Variants in NAV1 observed in about 807,000 individuals in gnomAD.
NAV1 encodes the protein pore membrane and/or filament interacting like protein 3.
A neutral mutation model predicts 175.2 loss-of-function variants in NAV1; 18 were observed. The ratio of observed to expected loss-of-function variants is 0.10; its 90% confidence interval spans 0.07 to 0.15. NAV1 has a LOEUF of 0.15. Among genes scored for constraint, NAV1 ranks in the 10% least tolerant of loss-of-function variants. The pLI is 1.00. For missense variants in NAV1, 1,731 were observed against 2,436.6 expected, an observed-to-expected ratio of 0.71 and a Z score of 6.10; for synonymous variants, 897 against 978.7, an observed-to-expected ratio of 0.92 and a Z score of 1.56.
chr1:201,549,115 CTT>C (rs1665761817), intron 1 of NAV1, among the ~76,000 whole-genome samples: 2 of 149,754 alleles, frequency 1.3e-5, no homozygotes, highest in African/African-American at 4.9e-5. Context: ...TTCTTTCTTT[CTT>C]TCTTTCTTTC....
intron 1 of NAV1, among the ~76,000 whole-genome samples, chr1:201,625,485 C>T (rs1175819818): frequency 1.3e-5 from 2 of 152,186 alleles, no homozygotes; most frequent in East Asian, 1.9e-4. Context: ...CAGGGTGACC[C>T]CTGGCTCTCA....
chr1:201,596,034 C>T (rs921119035), intron 2 of NAV1, among the ~76,000 whole-genome samples: 2 of 152,238 alleles, frequency 1.3e-5, no homozygotes, highest in South Asian at 4.1e-4. Context: ...TCTTAGCGAC[C>T]CCACGTCTTG....
intron 3 of NAV1, among the ~76,000 whole-genome samples, chr1:201,721,787 C>A (rs952567637): frequency 2.6e-5 from 4 of 152,174 alleles, no homozygotes; most frequent in African/African-American, 9.7e-5. Context: ...GTGACATAAT[C>A]GGCTCCAAGC....
intron 1 of NAV1, among the ~76,000 whole-genome samples, chr1:201,549,221 T>C (rs1335448162): frequency 6.6e-6 from 1 of 151,596 alleles, no homozygotes; most frequent in African/African-American, 2.4e-5. Context: ...TCCTTCTTTC[T>C]TTTTTTGACA....
intron 3 of NAV1, among the ~76,000 whole-genome samples, chr1:201,765,832 A>AT (rs1448004298): frequency 1.3e-5 from 2 of 152,090 alleles, no homozygotes; most frequent in African/African-American, 2.4e-5. Flanking sequence ...ATTTTTTCTG[A>AT]TTTTTTAATA....
upstream of NAV1, among the ~76,000 whole-genome samples, chr1:201,644,851 G>T (rs1364879209): frequency 6.6e-6 from 1 of 152,138 alleles, no homozygotes; most frequent in African/African-American, 2.4e-5. Context: ...AGGTACAGAG[G>T]AACAAAGAGG....
At chr1:201,803,856 C>T (rs191402301) in intron 16 of NAV1, 142 bp downstream of exon 20, 3 of 1,108,678 alleles carry the variant, frequency 2.7e-6, no homozygotes, top group East Asian at 2.7e-5. Flanking sequence ...CCGCTCAGAG[C>T]ATGGTCTCCC....
At chr1:201,637,948 G>T (rs1668653654) in intron 2 of NAV1, among the ~76,000 whole-genome samples, 1 of 152,182 alleles carries the variant, frequency 6.6e-6, no homozygotes, top group Admixed American at 6.5e-5. Context: ...AGCACATGTG[G>T]GAAACATCTG....
At chr1:201,649,192 C>T (rs1380154698) in exon 1 of NAV1, 3 of 1,612,726 alleles carry the variant, frequency 1.9e-6, no homozygotes, top group Non-Finnish European at 2.5e-6. Context: ...AGCCGGATCC[C>T]TCGAGGACCC....
At chr1:201,703,386 G>C (rs1178851969) in intron 1 of NAV1, among the ~76,000 whole-genome samples, 3 of 152,172 alleles carry the variant, frequency 2.0e-5, no homozygotes, top group South Asian at 2.1e-4. Flanking sequence ...GAATATGTTC[G>C]AGAGTCTGCT....
At chr1:201,607,717 C>G (rs1241207115) in intron 2 of NAV1, among the ~76,000 whole-genome samples, 4 of 151,960 alleles carry the variant, frequency 2.6e-5, no homozygotes, top group Admixed American at 2.0e-4. Flanking sequence ...GTCTCGAACT[C>G]CTGACTTCAA....
At position 201,790,579 on chromosome 1, in the gene NAV1, T is replaced by G; in HGVS notation, c.3243+2T>G. Reference sequence around the variant, plus strand: ...GCTGAGGAGAGGATGCAATCTGAGGTAGGGTGGAAAGCCTTTGTCTCTGCT... The same window carrying G: ...GCTGAGGAGAGGATGCAATCTGAGGGAGGGTGGAAAGCCTTTGTCTCTGCT... On this transcript the variant is annotated splice_donor_variant, in intron 12 of 29. Transcript: ENST00000367296. LOFTEE classifies it high-confidence loss of function. 1 of 1,614,106 alleles carries G rather than the reference T, an allele frequency of 6.2e-7. No individual in the cohort carries two copies. The highest frequency in any genetic ancestry group is 8.5e-7 in the Non-Finnish European group (1 of 1,180,022).
intron 1 of NAV1, among the ~76,000 whole-genome samples, chr1:201,658,713 C>T (rs61707477): frequency 0.01 from 1,595 of 152,250 alleles, 33 homozygotes; most frequent in African/African-American, 0.037. Flanking sequence ...CAAAAGAGTC[C>T]TGTGCCCGCT....
At chr1:201,817,231 C>T (rs371533327) in exon 29 of NAV1, 15 of 1,614,118 alleles carry the variant, frequency 9.3e-6, no homozygotes, top group Non-Finnish European at 1.3e-5. Context: ...CCTCACCTCC[C>T]GAGGATAGGA....
intron 1 of NAV1, among the ~76,000 whole-genome samples, chr1:201,695,566 C>A (rs1219163525): frequency 2.6e-5 from 4 of 152,202 alleles, no homozygotes; most frequent in Non-Finnish European, 5.9e-5. Flanking sequence ...CCTGGAAAAT[C>A]TCTCTAAGGC....
chr1:201,708,878 A>G (rs1450069881), intron 1 of NAV1, among the ~76,000 whole-genome samples: 1 of 152,108 alleles, frequency 6.6e-6, no homozygotes, highest in African/African-American at 2.4e-5. Context: ...GCCAGGCACG[A>G]TGGCACACAC....
intron 2 of NAV1, among the ~76,000 whole-genome samples, chr1:201,614,384 T>C (rs2102261352): frequency 6.6e-6 from 1 of 152,276 alleles, no homozygotes; most frequent in African/African-American, 2.4e-5. Flanking sequence ...CGGCAGCTGC[T>C]GCGGGCGCCT....
At chr1:201,749,322 T>C (rs1249140247) in intron 3 of NAV1, among the ~76,000 whole-genome samples, 2 of 152,198 alleles carry the variant, frequency 1.3e-5, no homozygotes, top group African/African-American at 4.8e-5. Context: ...CAAAGAGAAA[T>C]ATACTGAAAA....
At chr1:201,603,397 C>T (rs1667578270) in intron 2 of NAV1, among the ~76,000 whole-genome samples, 1 of 152,178 alleles carries the variant, frequency 6.6e-6, no homozygotes, top group South Asian at 2.1e-4. Context: ...GTAAAATTTA[C>T]AGGAATGGTT....
Sources: allele counts gnomAD v4.1 joint callset (sites outside exome capture counted in the v4.1 genomes callset), GRCh38; gene constraint gnomAD v4.1.1; transcripts MANE v1.5; gene names NCBI Gene and HGNC (gene_info 2026-07-23, HGNC 2026-07-21).